The following GPC6 variants were observed in gnomAD, a reference collection of about 807,000 sequenced individuals.
GPC6 encodes the protein glypican-6.
GPC6 carries 14 observed loss-of-function variants against 55.2 expected under a neutral mutation model. The ratio of observed to expected loss-of-function variants is 0.25; its 90% confidence interval spans 0.17 to 0.40. The LOEUF is 0.40. GPC6 is among the 10% of genes least tolerant of loss of function. The probability of loss-of-function intolerance (pLI) is 1.00; values close to 1 mark genes in which losing one functional copy is unlikely to be tolerated. For synonymous variants in GPC6, 278 were observed against 259.6 expected (o/e 1.07, Z -0.68); for missense variants, 641 against 708.5 (o/e 0.90, Z 1.08).
At chr13:93,222,388 T>C (rs1360570189), upstream of GPC6, among the ~76,000 whole-genome samples, 2 of 152,214 alleles carry the variant, frequency 1.3e-5, no homozygotes, top group East Asian at 3.9e-4. Context: ...CTGGAAAGCA[T>C]TCCTGACTAC....
chr13:94,331,244 T>G (rs1397541695), intron 6 of GPC6, among the ~76,000 whole-genome samples: 2 of 152,136 alleles, frequency 1.3e-5, no homozygotes, highest in African/African-American at 4.8e-5. Context: ...ACAGCCCTGC[T>G]CATTCATTTA....
chr13:93,247,317 A>G (rs527665013), intron 1 of GPC6, among the ~76,000 whole-genome samples: 20 of 152,268 alleles, frequency 1.3e-4, no homozygotes, highest in Non-Finnish European at 2.8e-4. Context: ...TAGGATTGCT[A>G]TTTTGAAAAT....
intron 2 of GPC6, among the ~76,000 whole-genome samples, chr13:93,722,931 C>T (rs1404979430): frequency 6.6e-6 from 1 of 151,884 alleles, no homozygotes; most frequent in Non-Finnish European, 1.5e-5. Flanking sequence ...TAGCCACTCC[C>T]TGCCACTTGA....
At chr13:93,434,904 A>G (rs1877511417) in intron 1 of GPC6, among the ~76,000 whole-genome samples, 1 of 152,076 alleles carries the variant, frequency 6.6e-6, no homozygotes, top group African/African-American at 2.4e-5. Flanking sequence ...ACGAGGTTTC[A>G]CCATATTGGC....
intron 1 of GPC6, among the ~76,000 whole-genome samples, chr13:93,311,536 G>A (rs1268148819): frequency 6.6e-6 from 1 of 151,946 alleles, no homozygotes; most frequent in Non-Finnish European, 1.5e-5. Context: ...TAATAGTGTT[G>A]ACTTATACTG....
intron 1 of GPC6, among the ~76,000 whole-genome samples, chr13:93,501,024 G>A (rs1009428127): frequency 6.6e-6 from 1 of 152,112 alleles, no homozygotes; most frequent in Non-Finnish European, 1.5e-5. Context: ...TCTGAGAGAT[G>A]CCAGTATCTT....
At chr13:93,857,080 T>A (rs1440889516) in intron 3 of GPC6, among the ~76,000 whole-genome samples, 1 of 151,632 alleles carries the variant, frequency 6.6e-6, no homozygotes, top group Admixed American at 6.6e-5. Context: ...AGGGATGCAA[T>A]GCATTTTGTC....
intron 3 of GPC6, among the ~76,000 whole-genome samples, chr13:93,833,104 TGATA>T (rs1436392328): frequency 1.6e-4 from 10 of 61,600 alleles, no homozygotes; most frequent in Admixed American, 2.3e-4. Context: ...GATAGGTAGA[TGATA>T]GAGAGAGAGA....
At chr13:94,108,853 A>AG (rs1491334232) in intron 4 of GPC6, among the ~76,000 whole-genome samples, 1 of 126,994 alleles carries the variant, frequency 7.9e-6, no homozygotes, top group Non-Finnish European at 1.8e-5. Flanking sequence ...AAAAAAAAAA[A>AG]CAAAAAAAAA....
chr13:93,401,658 G>C (rs1350186129), intron 1 of GPC6, among the ~76,000 whole-genome samples: 1 of 139,854 alleles, frequency 7.2e-6, no homozygotes, highest in Non-Finnish European at 1.5e-5. Context: ...CAGCTTCTGA[G>C]TGTTATTTTT....
intron 1 of GPC6, among the ~76,000 whole-genome samples, chr13:93,475,371 T>C (rs1879265066): frequency 6.6e-6 from 1 of 151,488 alleles, no homozygotes; most frequent in Admixed American, 6.6e-5. Flanking sequence ...AGAGTTAAAA[T>C]AACCAACTTT....
chr13:94,033,339 A>G (rs1225855597), intron 4 of GPC6, among the ~76,000 whole-genome samples: 1 of 152,222 alleles, frequency 6.6e-6, no homozygotes, highest in Non-Finnish European at 1.5e-5. Context: ...AGGTCAGTCC[A>G]ATGACTAATG....
chr13:94,300,449 C>T (rs961129274), intron 5 of GPC6, among the ~76,000 whole-genome samples: 1 of 152,192 alleles, frequency 6.6e-6, no homozygotes, highest in Non-Finnish European at 1.5e-5. Context: ...TCTTCCTTCC[C>T]ATCCCTCCAG....
At chr13:94,298,228 AATAGT>A (rs1479435828) in intron 5 of GPC6, among the ~76,000 whole-genome samples, 4 of 152,326 alleles carry the variant, frequency 2.6e-5, no homozygotes, top group African/African-American at 9.6e-5. Context: ...TATCTTATGT[AATAGT>A]ATAATGTAGC....
intron 4 of GPC6, among the ~76,000 whole-genome samples, chr13:94,133,946 A>T (rs537232719): frequency 7.2e-5 from 11 of 152,300 alleles, no homozygotes; most frequent in African/African-American, 2.6e-4. Context: ...TTTTTTTCAG[A>T]GAGCCACACT....
intron 3 of GPC6, among the ~76,000 whole-genome samples, chr13:93,988,652 T>C (rs1252226169): frequency 1.3e-5 from 2 of 152,054 alleles, no homozygotes; most frequent in Non-Finnish European, 2.9e-5. Flanking sequence ...GGGTCTCTTT[T>C]ACAAGGGCAC....
At chr13:94,201,649 CATT>C (rs1171854535) in intron 4 of GPC6, among the ~76,000 whole-genome samples, 4 of 152,182 alleles carry the variant, frequency 2.6e-5, no homozygotes, top group East Asian at 1.9e-4. Context: ...ATAAAATCAT[CATT>C]AAGATGTCTA....
At chr13:93,961,004 C>T (rs1357069364) in intron 3 of GPC6, among the ~76,000 whole-genome samples, 1 of 151,692 alleles carries the variant, frequency 6.6e-6, no homozygotes, top group South Asian at 2.1e-4. Flanking sequence ...TTAGTAGAGG[C>T]GGGGTTTCAC....
chr13:93,642,621 A>C (rs1880002645), intron 2 of GPC6, among the ~76,000 whole-genome samples: 1 of 152,196 alleles, frequency 6.6e-6, no homozygotes, highest in South Asian at 2.1e-4. Flanking sequence ...GAGCTTGCTA[A>C]GAAAACTGAT....
Sources: gnomAD v4.1 joint callset for allele counts (sites outside exome capture counted in the v4.1 genomes callset) on GRCh38, gnomAD v4.1.1 for gene constraint, MANE v1.5 for transcripts, NCBI Gene and HGNC (gene_info 2026-07-23, HGNC 2026-07-21) for gene names.